ADGRL3: variants seen among roughly 807,000 people sequenced by gnomAD.
ADGRL3 encodes the protein adhesion G protein-coupled receptor L3, also known as calcium-independent alpha-latrotoxin receptor 3.
A neutral mutation model predicts 153.5 loss-of-function variants in ADGRL3; 62 were observed. The observed-to-expected ratio is 0.40, with a 90% CI of 0.33 to 0.50. The LOEUF (loss-of-function observed/expected upper bound fraction) is 0.50, where lower values mean the gene tolerates loss of function less well. ADGRL3 is among the 20% of genes least tolerant of loss of function. The probability of loss-of-function intolerance (pLI) is 0.47; values close to 1 mark genes in which losing one functional copy is unlikely to be tolerated. For missense variants in ADGRL3, 1,641 were observed against 1,859.4 expected, an observed-to-expected ratio of 0.88 and a Z score of 2.16; for synonymous variants, 710 against 672.5, an observed-to-expected ratio of 1.06 and a Z score of -0.86.
At chr4:61,481,034 G>A (rs1039123407) in intron 2 of ADGRL3, among the ~76,000 whole-genome samples, 1 of 152,022 alleles carries the variant, frequency 6.6e-6, no homozygotes, top group Non-Finnish European at 1.5e-5. Context: ...AAATTAAAAT[G>A]TACTTAACAC....
At chr4:61,483,398 G>A (rs1316316395) in intron 2 of ADGRL3, among the ~76,000 whole-genome samples, 1 of 152,096 alleles carries the variant, frequency 6.6e-6, no homozygotes, top group Non-Finnish European at 1.5e-5. Context: ...AATAATGATA[G>A]CACTCAATTA....
At chr4:61,441,916 A>G (rs2097532862) in intron 2 of ADGRL3, among the ~76,000 whole-genome samples, 1 of 152,210 alleles carries the variant, frequency 6.6e-6, no homozygotes, top group Admixed American at 6.5e-5. Flanking sequence ...TAGTAGTTTC[A>G]AATAAAGGAA....
chr4:61,275,654 G>A (rs569872495), intron 1 of ADGRL3, among the ~76,000 whole-genome samples: 7 of 152,090 alleles, frequency 4.6e-5, no homozygotes, highest in African/African-American at 1.2e-4. Flanking sequence ...TTTCAGTTTG[G>A]CATAGATGTT....
chr4:61,359,091 T>G (rs553094062), intron 1 of ADGRL3, among the ~76,000 whole-genome samples: 1 of 152,302 alleles, frequency 6.6e-6, no homozygotes, highest in South Asian at 2.1e-4. Context: ...CTTCCTCTCA[T>G]ACATCACATA....
rs113047206 is a variant in ADGRL3 at position 61,707,424 on chromosome 4, A to T, written c.584-23198A>T. On this transcript the variant is annotated intron_variant, in intron 6 of 26. Coordinates refer to ENST00000683033, the MANE Select transcript of ADGRL3 (RefSeq NM_001387552.1). Reference sequence around the variant, plus strand: ...CAGTAAAATGAAGCTCAATAAAATGAAATATGCCTGTGCTAATACTCTGAA... The same window carrying T: ...CAGTAAAATGAAGCTCAATAAAATGTAATATGCCTGTGCTAATACTCTGAA... Among the ~76,000 whole-genome samples, 16 of 152,308 alleles carry T rather than the reference A, an allele frequency of 1.1e-4. 1 individual carries two copies. The highest frequency in any genetic ancestry group is 3.6e-4 in the African/African-American group (15 of 41,566).
intron 6 of ADGRL3, among the ~76,000 whole-genome samples, chr4:61,700,931 C>T (rs1047361396): frequency 1.3e-5 from 2 of 152,102 alleles, no homozygotes; most frequent in Admixed American, 1.3e-4. Flanking sequence ...TTAAAACTTG[C>T]TGAGAAAATA....
At chr4:61,856,639 G>A (rs1443752463) in intron 9 of ADGRL3, among the ~76,000 whole-genome samples, 13 of 71,012 alleles carry the variant, frequency 1.8e-4, no homozygotes, top group South Asian at 5.5e-4. Flanking sequence ...TTTTTGCGAT[G>A]GAGTCTTGCT....
chr4:61,630,497 G>C (rs1012485949), intron 5 of ADGRL3, among the ~76,000 whole-genome samples: 1 of 152,142 alleles, frequency 6.6e-6, no homozygotes, highest in African/African-American at 2.4e-5. Flanking sequence ...GCTGTTGGTT[G>C]TTGTTGTTTA....
chr4:61,551,674 A>G (rs2098741145), intron 4 of ADGRL3, among the ~76,000 whole-genome samples: 1 of 152,166 alleles, frequency 6.6e-6, no homozygotes, highest in African/African-American at 2.4e-5. Context: ...CACAGATTAT[A>G]AATTGTATAA....
chr4:61,876,517 G>A (rs1475571951), intron 9 of ADGRL3, among the ~76,000 whole-genome samples: 2 of 151,992 alleles, frequency 1.3e-5, no homozygotes, highest in African/African-American at 4.8e-5. Flanking sequence ...ACAGATGTAA[G>A]TAATCCAAAA....
intron 1 of ADGRL3, among the ~76,000 whole-genome samples, chr4:61,236,233 C>T (rs770158456): frequency 2.0e-5 from 3 of 152,054 alleles, no homozygotes; most frequent in Admixed American, 6.6e-5. Flanking sequence ...TGGTCTCGAA[C>T]TCCTGACCTC....
intron 9 of ADGRL3, among the ~76,000 whole-genome samples, chr4:61,841,586 AC>A (rs1173300415): frequency 1.3e-5 from 2 of 152,240 alleles, no homozygotes; most frequent in Non-Finnish European, 2.9e-5. Flanking sequence ...AATATTTCAT[AC>A]CTGAGGACAA....
At chr4:61,745,398 A>G (rs2096642860) in intron 8 of ADGRL3, among the ~76,000 whole-genome samples, 1 of 152,138 alleles carries the variant, frequency 6.6e-6, no homozygotes, top group Admixed American at 6.5e-5. Context: ...ACTCCAAGAC[A>G]CATAATTGTC....
intron 5 of ADGRL3, among the ~76,000 whole-genome samples, chr4:61,656,425 G>A (rs2094445029): frequency 6.6e-6 from 1 of 151,876 alleles, no homozygotes; most frequent in Non-Finnish European, 1.5e-5. Context: ...TGCATGCAAT[G>A]GCCTCAAGAA....
At position 61,213,110 on chromosome 4, in the gene ADGRL3, A is replaced by G. The variant is rs567437225; in HGVS notation, c.-240+11345A>G. ...TAGGGGATGTTGAGCTAGAGCAACA[A>G]CAACAACAGAAGTAATGGGGTATGA... is the stretch of plus-strand genomic sequence containing the variant. On this transcript the variant is annotated intron_variant, in intron 1 of 26. Coordinates refer to ENST00000683033, the MANE Select transcript of ADGRL3 (RefSeq NM_001387552.1). Among the ~76,000 whole-genome samples, 4 of 152,298 alleles carry G rather than the reference A, an allele frequency of 2.6e-5. No individual in the cohort carries two copies. In the East Asian group the frequency reaches 7.7e-4, roughly 29 times the overall value.
At chr4:61,781,156 A>T (rs910029407) in intron 8 of ADGRL3, among the ~76,000 whole-genome samples, 1 of 151,948 alleles carries the variant, frequency 6.6e-6, no homozygotes, top group Admixed American at 6.6e-5. Context: ...GAGAAACCCC[A>T]TCTCTACTAA....
At chr4:61,862,771 C>T (rs2098356378) in intron 9 of ADGRL3, among the ~76,000 whole-genome samples, 1 of 152,078 alleles carries the variant, frequency 6.6e-6, no homozygotes, top group Non-Finnish European at 1.5e-5. Context: ...ACCTAGGACT[C>T]TTTTGAAACA....
chr4:61,402,223 G>A (rs558932652), intron 2 of ADGRL3, among the ~76,000 whole-genome samples: 2 of 151,978 alleles, frequency 1.3e-5, no homozygotes, highest in South Asian at 4.1e-4. Flanking sequence ...CTAAAGCCTC[G>A]TCTATTGGAT....
chr4:61,323,346 C>T (rs7685747), intron 1 of ADGRL3, among the ~76,000 whole-genome samples: 73,723 of 151,948 alleles, frequency 0.49, 19,950 homozygotes, highest in East Asian at 0.71. Flanking sequence ...TTCGGCTCCT[C>T]GTTAACTTAT....
Sources: gnomAD v4.1 joint callset for allele counts (sites outside exome capture counted in the v4.1 genomes callset) on GRCh38, gnomAD v4.1.1 for gene constraint, MANE v1.5 for transcripts, NCBI Gene and HGNC (gene_info 2026-07-23, HGNC 2026-07-21) for gene names.